The following DENND1A variants were observed in gnomAD, a reference collection of about 807,000 sequenced individuals.
DENND1A encodes DENN domain-containing protein 1A.
A neutral mutation model predicts 113.7 loss-of-function variants in DENND1A; 51 were observed. The observed-to-expected ratio is 0.45, with a 90% CI of 0.36 to 0.57. The LOEUF (loss-of-function observed/expected upper bound fraction) is 0.57, where lower values mean the gene tolerates loss of function less well. Among genes scored for constraint, DENND1A ranks in the 20% least tolerant of loss-of-function variants. The pLI, the probability that DENND1A is intolerant of heterozygous loss-of-function variation, is 0.00. For synonymous variants in DENND1A, 565 were observed against 570.8 expected, an observed-to-expected ratio of 0.99 and a Z score of 0.14; for missense variants, 1,258 against 1,395.9, an observed-to-expected ratio of 0.90 and a Z score of 1.57.
At position 123,652,735 on chromosome 9, in the gene DENND1A, G is replaced by A. The variant is rs142775225; in HGVS notation, c.508-612C>T. On this transcript the variant is annotated intron_variant, in intron 8 of 23. Transcript: ENST00000394215. ...GCTCAGCTGGAATTAAGGCAATTTC[G>A]AACATTTACAATTTCCAGGTATTTC... 2.3e-3 allele frequency among the ~76,000 whole-genome samples: 344 copies of A among 152,168 alleles called. 3 individuals carry two copies. Among genetic ancestry groups the A allele is most frequent in the African/African-American group, 8.0e-3 (331 of 41,518 alleles).
chr9:123,882,061 T>C (rs1181584985), intron 1 of DENND1A, among the ~76,000 whole-genome samples: 1 of 152,154 alleles, frequency 6.6e-6, no homozygotes, highest in African/African-American at 2.4e-5. Flanking sequence ...TTAGCTCTCC[T>C]ACTGTCCCTG....
chr9:123,583,656 C>T (rs2059029105), intron 11 of DENND1A, among the ~76,000 whole-genome samples: 1 of 152,162 alleles, frequency 6.6e-6, no homozygotes, highest in Admixed American at 6.5e-5. Context: ...TATGATATCC[C>T]CATTCAATCC....
chr9:123,530,179 G>C (rs1371809352), intron 13 of DENND1A, among the ~76,000 whole-genome samples: 1 of 152,122 alleles, frequency 6.6e-6, no homozygotes, highest in Non-Finnish European at 1.5e-5. Flanking sequence ...AAGAGATAAT[G>C]CCTGAGAATA....
At chr9:123,871,708 CCCCGACAGTTT>C (rs1846642130) in intron 2 of DENND1A, among the ~76,000 whole-genome samples, 1 of 152,158 alleles carries the variant, frequency 6.6e-6, no homozygotes, top group African/African-American at 2.4e-5. Context: ...TTTCAGAGTT[CCCCGACAGTTT>C]CTCAACCTAA....
intron 6 of DENND1A, among the ~76,000 whole-genome samples, chr9:123,674,367 C>T (rs1472772621): frequency 1.3e-5 from 2 of 151,410 alleles, no homozygotes; most frequent in South Asian, 4.2e-4. Flanking sequence ...CACACACACA[C>T]ACACACACAC....
chr9:123,498,785 T>C (rs2052186530), intron 13 of DENND1A, among the ~76,000 whole-genome samples: 1 of 152,024 alleles, frequency 6.6e-6, no homozygotes, highest in African/African-American at 2.4e-5. Context: ...TACAGTGGCG[T>C]GATCTCGGCT....
chr9:123,502,367 C>CT (rs1450885122), intron 13 of DENND1A, among the ~76,000 whole-genome samples: 2 of 152,144 alleles, frequency 1.3e-5, no homozygotes, highest in African/African-American at 4.8e-5. Flanking sequence ...TTATTTTCTG[C>CT]TTTTTTAACA....
intron 5 of DENND1A, among the ~76,000 whole-genome samples, chr9:123,744,535 G>GT (rs923396077): frequency 2.0e-5 from 3 of 152,126 alleles, no homozygotes; most frequent in African/African-American, 7.2e-5. Flanking sequence ...ATTGCCAATT[G>GT]TTTTCCAAGA....
intron 20 of DENND1A, 55 bp downstream of exon 20, chr9:123,411,721 G>A (rs1246986386): frequency 1.0e-6 from 1 of 981,168 alleles, no homozygotes; most frequent in Admixed American, 6.1e-5. Context: ...GTCAGGCTGA[G>A]GGAGAATGGC....
At chr9:123,618,408 C>T (rs148780280) in intron 10 of DENND1A, among the ~76,000 whole-genome samples, 178 of 152,326 alleles carry the variant, frequency 1.2e-3, no homozygotes, top group African/African-American at 4.1e-3. Context: ...GTGTCACTCA[C>T]GTACAGAATG....
At chr9:123,728,175 T>C (rs1162143168) in intron 5 of DENND1A, among the ~76,000 whole-genome samples, 1 of 147,774 alleles carries the variant, frequency 6.8e-6, no homozygotes, top group Non-Finnish European at 1.5e-5. Flanking sequence ...GACCCAAATA[T>C]TGTAAAAAGG....
In DENND1A at chr9:123,440,453, C is replaced by T. The variant is rs2046844824; in HGVS notation, c.1395G>A (p.Glu465=). The change falls in exon 19 of 24, where the codon GAG becomes GAA. Residue 465 remains glutamate, a synonymous_variant. Coordinates refer to ENST00000394215, the MANE Select transcript of DENND1A (RefSeq NM_001352964.2). ...AENGCAPTPE[E]QLPKTAPSPL... ...GGGACGGTGCAGTCTTTGGCAGCTG[C>T]TCTTCTGGGGTGGGGGCGCAGCCAT... 1 of 1,573,054 alleles carries T rather than the reference C, an allele frequency of 6.4e-7. No homozygotes were observed. The highest frequency in any genetic ancestry group is 8.6e-7 in the Non-Finnish European group (1 of 1,167,158).
At chr9:123,804,042 C>G (rs1363965237) in intron 2 of DENND1A, among the ~76,000 whole-genome samples, 1 of 152,244 alleles carries the variant, frequency 6.6e-6, no homozygotes, top group African/African-American at 2.4e-5. Flanking sequence ...CCAACCAAAT[C>G]TCATCTTGAA....
At position 123,818,517 on chromosome 9, in the gene DENND1A, TATACACACACACACACAC is replaced by T. The variant is rs1284109047; in HGVS notation, c.89-25905_89-25888del. Among the ~76,000 whole-genome samples, 16 of 123,136 alleles carry T rather than the reference TATACACACACACACACAC, an allele frequency of 1.3e-4. 1 individual carries two copies. Among genetic ancestry groups the T allele is most frequent in the African/African-American group, 5.0e-4 (15 of 29,944 alleles). The allele number at this position is 123,136 out of a possible 152,430, so 80.8% of individuals were successfully genotyped here. On this transcript the variant is annotated intron_variant, in intron 2 of 23. Coordinates refer to ENST00000394215, the MANE Select transcript of DENND1A (RefSeq NM_001352964.2). ...GAATATTGGCATATATATACATACA[TATACACACACACACACAC>T]ACACACACACACACACACACACACA...
chr9:123,400,874 G>C (rs995000692), intron 21 of DENND1A: 2 of 152,222 alleles, frequency 1.3e-5, no homozygotes, highest in African/African-American at 4.8e-5. Flanking sequence ...GCAATTGGAA[G>C]TGAGAGTTGG....
intron 6 of DENND1A, among the ~76,000 whole-genome samples, chr9:123,674,391 C>T (rs1232937139): frequency 7.0e-6 from 1 of 143,876 alleles, no homozygotes; most frequent in African/African-American, 2.5e-5. Context: ...CACACACACA[C>T]ACAATAGAAG....
At chr9:123,715,265 A>G (rs1326949023) in intron 5 of DENND1A, among the ~76,000 whole-genome samples, 1 of 152,210 alleles carries the variant, frequency 6.6e-6, no homozygotes, top group East Asian at 1.9e-4. Flanking sequence ...GAGAATACTC[A>G]ATTCTTGCAA....
chr9:123,486,508 C>T (rs1348319273), intron 13 of DENND1A, among the ~76,000 whole-genome samples: 1 of 152,008 alleles, frequency 6.6e-6, no homozygotes, highest in South Asian at 2.1e-4. Flanking sequence ...GCAGCTGGCT[C>T]CTGCATCCCC....
At chr9:123,733,820 C>T (rs764604496) in intron 5 of DENND1A, among the ~76,000 whole-genome samples, 5 of 152,066 alleles carry the variant, frequency 3.3e-5, no homozygotes, top group Non-Finnish European at 7.4e-5. Context: ...CACATGCCAC[C>T]ATGACCAGCT....
Sources: allele counts gnomAD v4.1 joint callset (sites outside exome capture counted in the v4.1 genomes callset), GRCh38; gene constraint gnomAD v4.1.1; transcripts MANE v1.5; gene names NCBI Gene and HGNC (gene_info 2026-07-23, HGNC 2026-07-21).